CNST: variants seen among roughly 807,000 people sequenced by gnomAD.
The protein encoded by CNST is consortin.
A neutral mutation model predicts 72.4 loss-of-function variants in CNST; 39 were observed. The observed-to-expected ratio is 0.54, with a 90% CI of 0.42 to 0.70. CNST has a LOEUF of 0.70. Among genes scored for constraint, CNST ranks in the 30% least tolerant of loss-of-function variants. The probability of loss-of-function intolerance (pLI) is 0.00; values close to 1 mark genes in which losing one functional copy is unlikely to be tolerated. For missense variants in CNST, 871 were observed against 868.5 expected (o/e 1.00, Z -0.04); for synonymous variants, 332 against 320.1 (o/e 1.04, Z -0.40).
At chr1:246,633,811 C>T (rs1461091784) in intron 4 of CNST, 113 bp from the exon 5 acceptor site, 2 of 633,474 alleles carry the variant, frequency 3.2e-6, no homozygotes, top group African/African-American at 1.9e-5. Context: ...ATTTAGAGTC[C>T]TCTCATGTTT....
chr1:246,660,412 G>T lies in CNST; in HGVS notation c.1972+78G>T. On this transcript the variant is annotated intron_variant, in intron 10 of 10. Coordinates refer to ENST00000366513, the MANE Select transcript of CNST (RefSeq NM_152609.3). ...AGGATGAGTTTGTGAATGATGTGAC[G>T]TTTACTAACAGGATTTGTAAAAGAC... 3.4e-6 allele frequency: 5 copies of T among 1,469,774 alleles called. No individual in the cohort carries two copies. In the African/African-American group the frequency reaches 7.0e-5, roughly 21 times the overall value. 91.0% of individuals were successfully genotyped at this position (1,469,774 alleles called of 1,614,324 possible).
intron 1 of CNST, among the ~76,000 whole-genome samples, chr1:246,582,191 G>A (rs779888889): frequency 2.0e-4 from 31 of 152,278 alleles, no homozygotes; most frequent in African/African-American, 7.5e-4. Flanking sequence ...CGACTTTGCT[G>A]TTGCTGTTTT....
At chr1:246,649,289 G>A (rs141623949) in intron 9 of CNST, among the ~76,000 whole-genome samples, 3 of 151,658 alleles carry the variant, frequency 2.0e-5, no homozygotes. Flanking sequence ...CGTTTTGATT[G>A]CAATGAATGC....
At chr1:246,579,673 A>G (rs1358030244) in intron 1 of CNST, among the ~76,000 whole-genome samples, 2 of 152,112 alleles carry the variant, frequency 1.3e-5, no homozygotes, top group Non-Finnish European at 2.9e-5. Flanking sequence ...GAGAATCACT[A>G]GAACCTGGGA....
chr1:246,596,415 AAG>A (rs1258047649), intron 2 of CNST, among the ~76,000 whole-genome samples: 3 of 152,062 alleles, frequency 2.0e-5, no homozygotes, highest in Non-Finnish European at 4.4e-5. Context: ...AAAAAAGAAA[AAG>A]AAAAAATTTT....
At chr1:246,645,426 T>TTTA (rs202198490) in intron 8 of CNST, among the ~76,000 whole-genome samples, 18 of 72,692 alleles carry the variant, frequency 2.5e-4, no homozygotes, top group Non-Finnish European at 3.9e-4. Flanking sequence ...GGTTAAAACT[T>TTTA]TTTTTTTTTT....
At chr1:246,575,480 A>G (rs1030626292) in intron 1 of CNST, among the ~76,000 whole-genome samples, 5 of 152,260 alleles carry the variant, frequency 3.3e-5, no homozygotes, top group African/African-American at 7.2e-5. Flanking sequence ...CGCATATTGT[A>G]TAATTCCATT....
chr1:246,621,596 C>T lies in CNST; in HGVS notation c.547C>T (p.Gln183Ter). Residue 183 changes from glutamine to a stop codon, truncating the protein, a stop_gained, in exon 3 of 11, where the codon CAG becomes TAG. Transcript: ENST00000366513. LOFTEE classifies it high-confidence loss of function. Reference protein sequence around the residue: ...LFSLIRGEVEQLDSRALPLCL... With the variant: ...LFSLIRGEVE ...TTCACTTATACGAGGTGAAGTTGAG[C>T]AGTTGGATTCAAGAGCACTTCCCCT... 3.1e-6 allele frequency: 5 copies of T among 1,614,092 alleles called. No homozygotes were observed. The highest frequency in any genetic ancestry group is 4.2e-6 in the Non-Finnish European group (5 of 1,179,972).
At chr1:246,652,935 C>T (rs868004243) in intron 9 of CNST, among the ~76,000 whole-genome samples, 3 of 149,510 alleles carry the variant, frequency 2.0e-5, no homozygotes, top group African/African-American at 7.4e-5. Context: ...ACCTGGGAGG[C>T]GGAGCTTGCA....
rs879045885 is a variant in CNST, at chr1:246,566,526, C to G, written c.-189C>G. On this transcript the variant is annotated 5_prime_UTR_variant, in exon 1 of 11. Transcript: ENST00000366513. ...CGCAGAGGGAGGCGGGGCGGAAAGGCGAGAGGTGTCTCCTCCACCGGAGCC... is the reference window on the plus strand; with the variant it reads ...CGCAGAGGGAGGCGGGGCGGAAAGGGGAGAGGTGTCTCCTCCACCGGAGCC... 6 of 430,988 alleles carry G rather than the reference C, an allele frequency of 1.4e-5. No individual in the cohort carries two copies. Among genetic ancestry groups the G allele is most frequent in the South Asian group, 1.4e-4 (2 of 14,000 alleles). 26.7% of individuals were successfully genotyped at this position (430,988 alleles called of 1,614,324 possible).
At chr1:246,617,416 T>G (rs1326989782) in intron 2 of CNST, among the ~76,000 whole-genome samples, 1 of 152,252 alleles carries the variant, frequency 6.6e-6, no homozygotes, top group Non-Finnish European at 1.5e-5. Flanking sequence ...CAAATAAGAT[T>G]GGACTTGTCT....
intron 6 of CNST, among the ~76,000 whole-genome samples, chr1:246,635,032 G>A (rs1205744580): frequency 6.6e-6 from 1 of 151,910 alleles, no homozygotes; most frequent in African/African-American, 2.4e-5. Flanking sequence ...CGCGCTGCTG[G>A]TGCAAGTGGC....
At chr1:246,580,287 G>C (rs1341642603) in intron 1 of CNST, among the ~76,000 whole-genome samples, 1 of 151,858 alleles carries the variant, frequency 6.6e-6, no homozygotes, top group Non-Finnish European at 1.5e-5. Context: ...AAATATTAAG[G>C]GTTAGGTAGC....
chr1:246,634,809 G>T (rs1665046052), intron 6 of CNST, among the ~76,000 whole-genome samples: 1 of 152,232 alleles, frequency 6.6e-6, no homozygotes, highest in Non-Finnish European at 1.5e-5. Flanking sequence ...GAGCACCTGG[G>T]TGCAGACGGG....
chr1:246,612,469 C>T (rs1366778992), intron 2 of CNST, among the ~76,000 whole-genome samples: 1 of 152,210 alleles, frequency 6.6e-6, no homozygotes, highest in Non-Finnish European at 1.5e-5. Context: ...TCCCAAAGTG[C>T]TGGGATTACA....
intron 2 of CNST, among the ~76,000 whole-genome samples, chr1:246,615,176 A>G (rs1663595889): frequency 6.6e-6 from 1 of 152,190 alleles, no homozygotes. Context: ...ATTACAAAAA[A>G]AAAATTTTTT....
chr1:246,645,424 C>CTTTT lies in CNST; in HGVS notation c.938-1697_938-1694dup, dbSNP rs1553384186. ...ACATATTAGTATAAAAAGGTTAAAA[C>CTTTT]TTTTTTTTTTTTTTTTTTTTTGAGA... On this transcript the variant is annotated intron_variant, in intron 8 of 10. Transcript: ENST00000366513. Among the ~76,000 whole-genome samples the CTTTT allele has an allele frequency of 7.1e-3, 757 of 105,930 alleles. 30 individuals carry two copies. Among genetic ancestry groups the CTTTT allele is most frequent in the African/African-American group, 0.023 (709 of 30,224 alleles). 69.5% of individuals were successfully genotyped at this position (105,930 alleles called of 152,430 possible). A position where few individuals can be genotyped will look rare whatever the true frequency, so the allele number is the denominator to read the frequency against.
At chr1:246,617,007 GAC>G (rs1663751228) in intron 2 of CNST, among the ~76,000 whole-genome samples, 1 of 151,976 alleles carries the variant, frequency 6.6e-6, no homozygotes, top group Admixed American at 6.6e-5. Flanking sequence ...ATATTATAAA[GAC>G]ACACAATTCA....
intron 1 of CNST, among the ~76,000 whole-genome samples, chr1:246,571,565 A>G (rs1258332948): frequency 1.3e-5 from 2 of 152,184 alleles, no homozygotes; most frequent in Non-Finnish European, 2.9e-5. Context: ...TTTCATCATC[A>G]TTAGCCACGT....
Sources: allele counts gnomAD v4.1 joint callset (sites outside exome capture counted in the v4.1 genomes callset), GRCh38; gene constraint gnomAD v4.1.1; transcripts MANE v1.5; gene names NCBI Gene and HGNC (gene_info 2026-07-23, HGNC 2026-07-21).